Variants in TRDMT1 observed in about 807,000 individuals in gnomAD.
The protein encoded by TRDMT1 is tRNA (cytosine(38)-C(5))-methyltransferase.
Under a neutral mutation model 51.2 loss-of-function variants are expected in TRDMT1, and 49 were observed. That is an observed-to-expected ratio of 0.96 (90% CI 0.76 to 1.21). The LOEUF (loss-of-function observed/expected upper bound fraction) is 1.21. TRDMT1 is among the 50% of genes most tolerant of loss of function. The probability of loss-of-function intolerance (pLI) is 0.00; values close to 1 mark genes in which losing one functional copy is unlikely to be tolerated. For missense variants in TRDMT1, 534 were observed against 462.3 expected, an observed-to-expected ratio of 1.16 and a Z score of -1.42; for synonymous variants, 187 against 164.6, an observed-to-expected ratio of 1.14 and a Z score of -1.04.
At chr10:17,161,286 A>G (rs113862979) in intron 5 of TRDMT1, among the ~76,000 whole-genome samples, 197 bp downstream of exon 5, 2,004 of 152,354 alleles carry the variant, frequency 0.013, 15 homozygotes, top group Admixed American at 0.019. Flanking sequence ...GAAGAGAATC[A>G]GTTGAACAAA....
At chr10:17,159,502 C>T (rs1267568364) in intron 6 of TRDMT1, among the ~76,000 whole-genome samples, 2 of 151,840 alleles carry the variant, frequency 1.3e-5, no homozygotes, top group African/African-American at 2.4e-5. Flanking sequence ...CCAGCTAAGA[C>T]GTAGTATAGA....
chr10:17,154,536 T>A, intron 9 of TRDMT1, 141 bp downstream of exon 9: 1 of 418,242 alleles, frequency 2.4e-6, no homozygotes, highest in East Asian at 3.8e-5. Flanking sequence ...TAAAATATTA[T>A]ATATATGAAT....
intron 3 of TRDMT1, among the ~76,000 whole-genome samples, chr10:17,162,476 G>A (rs986237529): frequency 3.3e-5 from 5 of 152,190 alleles, no homozygotes; most frequent in Admixed American, 6.5e-5. Flanking sequence ...GGGAGGTGAG[G>A]CAGGTGGATC....
chr10:17,194,229 C>A (rs1705201183), intron 1 of TRDMT1, among the ~76,000 whole-genome samples: 1 of 152,174 alleles, frequency 6.6e-6, no homozygotes, highest in South Asian at 2.1e-4. Flanking sequence ...GGAAACACCA[C>A]TCTGGACATT....
chr10:17,172,658 A>C (rs535364905), intron 2 of TRDMT1, among the ~76,000 whole-genome samples: 337 of 152,346 alleles, frequency 2.2e-3, no homozygotes, highest in Non-Finnish European at 3.6e-3. Context: ...TCACATGCAA[A>C]CTTTGATCTA....
intron 10 of TRDMT1, chr10:17,151,336 CT>C: frequency 1.0e-6 from 1 of 985,350 alleles, no homozygotes; most frequent in Non-Finnish European, 1.2e-6. Context: ...AAGATATCAG[CT>C]TTCACCCGTA....
At chr10:17,149,708 A>G (rs1264503653) in intron 10 of TRDMT1, among the ~76,000 whole-genome samples, 1 of 152,124 alleles carries the variant, frequency 6.6e-6, no homozygotes, top group African/African-American at 2.4e-5. Flanking sequence ...CTACTGGATT[A>G]TATTTCATAT....
At position 17,201,604 on chromosome 10, in the gene TRDMT1, T is replaced by C. The variant is rs778397481; in HGVS notation, c.31A>G (p.Ser11Gly). The change falls in exon 1 of 11, where the codon AGC (serine) becomes GGC (glycine). Residue 11 changes from serine (S) to glycine (G), a missense_variant. By Grantham distance (56) the Ser-to-Gly change is moderately conservative (BLOSUM62 0). Coordinates refer to ENST00000377799, the MANE Select transcript of TRDMT1 (RefSeq NM_004412.7). MEPLRVLELY[S>G]GVGGMHHALR... Reference sequence around the variant, plus strand: ...GCGTGGTGCATGCCGCCCACGCCGCTGTATAGCTCCAGCACCCGCAGGGGC... The same window carrying C: ...GCGTGGTGCATGCCGCCCACGCCGCCGTATAGCTCCAGCACCCGCAGGGGC... 2 of 1,548,218 alleles carry C rather than the reference T, an allele frequency of 1.3e-6. No homozygotes were observed. Among genetic ancestry groups the C allele is most frequent in the South Asian group, 2.4e-5 (2 of 83,824 alleles).
At chr10:17,177,755 A>G (rs1333786013) in intron 1 of TRDMT1, among the ~76,000 whole-genome samples, 1 of 108,796 alleles carries the variant, frequency 9.2e-6, no homozygotes, top group Non-Finnish European at 2.1e-5. Context: ...CAGACATTTG[A>G]ATAGCAATAC....
Position 17,149,159 on chromosome 10 carries a change from A to G in TRDMT1, c.1076-19T>C. On this transcript the variant is annotated intron_variant, in intron 10 of 10. Coordinates refer to ENST00000377799, the MANE Select transcript of TRDMT1 (RefSeq NM_004412.7). Reference sequence around the variant, plus strand: ...GGAAATCCTAAAAAGACAAAGAACAATTTAAAGAAATCATTTGTAATCACA... The same window carrying G: ...GGAAATCCTAAAAAGACAAAGAACAGTTTAAAGAAATCATTTGTAATCACA... 2.6e-6 allele frequency: 4 copies of G among 1,565,784 alleles called. No homozygotes were observed. The highest frequency in any genetic ancestry group is 3.5e-6 in the Non-Finnish European group (4 of 1,141,970).
Position 17,145,637 on chromosome 10 carries a change from A to G in TRDMT1, c.*3403T>C. ...AAGGTAACCTGTTCATAACATAAGC[A>G]ATTCAGGAAAACCCACTTTAATCTC... On this transcript the variant is annotated 3_prime_UTR_variant, in exon 11 of 11. Transcript: ENST00000377799. The G allele has an allele frequency of 1.0e-6, 1 of 985,430 alleles. No individual in the cohort carries two copies. Among genetic ancestry groups the G allele is most frequent in the Non-Finnish European group, 1.2e-6 (1 of 829,932 alleles). The allele number at this position is 985,430 out of a possible 1,614,324, so 61.0% of individuals were successfully genotyped here. A position where few individuals can be genotyped will look rare whatever the true frequency, so the allele number is the denominator to read the frequency against.
rs1841579319 is a variant in TRDMT1, at chr10:17,168,849, T to A, written c.243A>T (p.Pro81=). ...ATATTTATGACACATACCTTGTGAA[T>A]GGCTGGCAGGGAGGGCTCATTAAAA... The part of the protein sequence containing the change: ...DMILMSPPCQ[P]FTRIGRQGDM... Residue 81 remains proline (P), a synonymous_variant, in exon 3 of 11, where the codon CCA becomes CCT. Transcript: ENST00000377799. The A allele has an allele frequency of 6.2e-7, 1 of 1,609,420 alleles. No homozygotes were observed. Among genetic ancestry groups the A allele is most frequent in the African/African-American group, 1.3e-5 (1 of 74,900 alleles).
At chr10:17,180,565 T>C (rs961926303) in intron 1 of TRDMT1, among the ~76,000 whole-genome samples, 1 of 151,794 alleles carries the variant, frequency 6.6e-6, no homozygotes, top group Non-Finnish European at 1.5e-5. Flanking sequence ...AAACTCTCTT[T>C]CCATATTCGG....
At chr10:17,200,705 A>G (rs895166031) in intron 1 of TRDMT1, 2 of 155,164 alleles carry the variant, frequency 1.3e-5, no homozygotes, top group African/African-American at 4.8e-5. Flanking sequence ...AATATCACCA[A>G]AAGTAAAACT....
chr10:17,148,294 T>G lies in TRDMT1; in HGVS notation c.*746A>C. 1 of 985,438 alleles carries G rather than the reference T, an allele frequency of 1.0e-6. No homozygotes were observed. The highest frequency in any genetic ancestry group is 1.7e-5 in the African/African-American group (1 of 57,356). 61.0% of individuals were successfully genotyped at this position (985,438 alleles called of 1,614,324 possible). The stretch of plus-strand genomic sequence containing the variant: ...TAACGTCATGCTACATTCCTCAGCG[T>G]GCAAAGGCAAATTCAACTCAGAAGC... On this transcript the variant is annotated 3_prime_UTR_variant, in exon 11 of 11. Transcript: ENST00000377799.
Position 17,143,277 on chromosome 10 carries a change from T to G in TRDMT1, c.*5763A>C. On this transcript the variant is annotated 3_prime_UTR_variant, in exon 11 of 11. Transcript: ENST00000377799. ...AGTGCTTACTATGTGCCAGTACTGTTTTAAGTCACTGGGGGGACAACGTAT... is the reference window on the plus strand; with the variant it reads ...AGTGCTTACTATGTGCCAGTACTGTGTTAAGTCACTGGGGGGACAACGTAT... 1.0e-6 allele frequency: 1 copy of G among 984,550 alleles called. No individual in the cohort carries two copies. The highest frequency in any genetic ancestry group is 1.2e-6 in the Non-Finnish European group (1 of 829,108). 61.0% of individuals were successfully genotyped at this position (984,550 alleles called of 1,614,324 possible).
intron 5 of TRDMT1, 83 bp from the exon 6 acceptor site, chr10:17,160,457 T>C (rs1840178915): frequency 1.0e-6 from 1 of 970,134 alleles, no homozygotes; most frequent in African/African-American, 1.7e-5. Context: ...CTGGGTTTCT[T>C]TTGTTTGTTT....
At chr10:17,178,073 A>G (rs1405337882) in intron 1 of TRDMT1, among the ~76,000 whole-genome samples, 9 of 152,240 alleles carry the variant, frequency 5.9e-5, no homozygotes, top group Non-Finnish European at 1.2e-4. Flanking sequence ...TGAAATAAGG[A>G]AAGAAATTTT....
chr10:17,158,177 G>A (rs1839826990), intron 7 of TRDMT1, among the ~76,000 whole-genome samples: 2 of 151,804 alleles, frequency 1.3e-5, no homozygotes, highest in Admixed American at 6.6e-5. Flanking sequence ...CATTAAAAAG[G>A]AAAAACCAAA....
Sources: allele counts gnomAD v4.1 joint callset (sites outside exome capture counted in the v4.1 genomes callset), GRCh38; gene constraint gnomAD v4.1.1; transcripts MANE v1.5; gene names NCBI Gene and HGNC (gene_info 2026-07-23, HGNC 2026-07-21).